The following ABR variants were observed in gnomAD, a reference collection of about 807,000 sequenced individuals.
ABR encodes ABR activator of RhoGEF and GTPase.
ABR carries 35 observed loss-of-function variants against 107.2 expected under a neutral mutation model. The observed-to-expected ratio is 0.33, with a 90% CI of 0.25 to 0.43. ABR has a LOEUF of 0.43. Ranked by LOEUF, ABR falls within the 20% of genes least tolerant of loss-of-function variation. The pLI is 1.00. For missense variants in ABR, 815 were observed against 1,115.2 expected (o/e 0.73, Z 3.83); for synonymous variants, 498 against 462.0 (o/e 1.08, Z -1.00).
chr17:1,226,661 T>C (rs55819425), intron 1 of ABR, among the ~76,000 whole-genome samples: 16,759 of 151,722 alleles, frequency 0.11, 1,180 homozygotes, highest in Middle Eastern at 0.19. Flanking sequence ...TGTGCATGTA[T>C]GTATGTGACA....
chr17:1,079,962 G>T (rs2586242), intron 5 of ABR, among the ~76,000 whole-genome samples: 1 of 152,100 alleles, frequency 6.6e-6, no homozygotes, highest in Non-Finnish European at 1.5e-5. Context: ...CCAGGTCCCA[G>T]AGATGAGAGA....
intron 16 of ABR, among the ~76,000 whole-genome samples, chr17:1,043,916 G>A (rs2031104812): frequency 6.6e-6 from 1 of 152,192 alleles, no homozygotes; most frequent in Admixed American, 6.5e-5. Flanking sequence ...GGGGCGGGCA[G>A]GGGGTGCAGA....
intron 10 of ABR, 150 bp from the exon 11 acceptor site, chr17:1,059,017 T>A: frequency 8.4e-7 from 1 of 1,192,578 alleles, no homozygotes; most frequent in Non-Finnish European, 1.2e-6. Flanking sequence ...GAGAGGCGGG[T>A]AGCTGGGTGA....
intron 1 of ABR, among the ~76,000 whole-genome samples, chr17:1,201,111 A>G (rs1402720679): frequency 6.6e-6 from 1 of 152,248 alleles, no homozygotes; most frequent in Non-Finnish European, 1.5e-5. Flanking sequence ...TGATCAGAGG[A>G]GCAGCCGGGG....
chr17:1,222,585 G>C (rs1567903472), intron 1 of ABR, among the ~76,000 whole-genome samples: 1 of 152,166 alleles, frequency 6.6e-6, no homozygotes, highest in Non-Finnish European at 1.5e-5. Context: ...TGACTACTTA[G>C]TAGGAAATTC....
Position 1,150,576 on chromosome 17 carries a change from C to T in ABR, c.62-25209G>A, listed in dbSNP as rs1280744629. On this transcript the variant is annotated intron_variant, in intron 1 of 22. Coordinates refer to ENST00000302538, the MANE Select transcript of ABR (RefSeq NM_021962.5). The surrounding 1 kb of genome is among the most constrained non-coding windows in gnomAD (Gnocchi z 4.8). Reference sequence around the variant, plus strand: ...CCCGGGCATGGCAAGCGCACTGCCCCCTCTCACTCCTCCGGCGGCCGCCGT... The same window carrying T: ...CCCGGGCATGGCAAGCGCACTGCCCTCTCTCACTCCTCCGGCGGCCGCCGT... Among the ~76,000 whole-genome samples the T allele has an allele frequency of 1.3e-5, 2 of 152,150 alleles. No homozygotes were observed. Among genetic ancestry groups the T allele is most frequent in the East Asian group, 3.9e-4 (2 of 5,186 alleles).
intron 1 of ABR, among the ~76,000 whole-genome samples, chr17:1,143,075 T>C: frequency 1.5e-5 from 1 of 66,610 alleles, no homozygotes; most frequent in Non-Finnish European, 2.8e-5. Context: ...GGCAGCTCGC[T>C]CCTGGGGGAC....
chr17:1,130,547 C>T (rs2039781039), intron 1 of ABR, among the ~76,000 whole-genome samples: 1 of 152,202 alleles, frequency 6.6e-6, no homozygotes, highest in African/African-American at 2.4e-5. Context: ...GGGTCCTATT[C>T]TCCTGCCCTG....
chr17:1,019,967 C>T (rs35984341), intron 16 of ABR, among the ~76,000 whole-genome samples: 36,207 of 152,200 alleles, frequency 0.24, 4,853 homozygotes, highest in East Asian at 0.36. Context: ...CAAGGTGGGC[C>T]ACAGGCAGGA....
intron 6 of ABR, among the ~76,000 whole-genome samples, 184 bp from the exon 7 acceptor site, chr17:1,073,861 C>T (rs1231833260): frequency 6.6e-6 from 1 of 151,958 alleles, no homozygotes; most frequent in African/African-American, 2.4e-5. Context: ...AAACAGCAGA[C>T]ACAGGTGACA....
Position 1,078,325 on chromosome 17 carries a change from C to A in ABR, c.700+1005G>T, listed in dbSNP as rs2035905793. On this transcript the variant is annotated intron_variant, in intron 6 of 22. Transcript: ENST00000302538. This position sits in a 1 kb window ranked among gnomAD's most constrained non-coding sequence, Gnocchi z 7.5. ...GAGCACACAATACCGTGCCGCCCAGCCTCCGCGCCTCTCTCCAGAAACAAA... is the reference window on the plus strand; with the variant it reads ...GAGCACACAATACCGTGCCGCCCAGACTCCGCGCCTCTCTCCAGAAACAAA... Among the ~76,000 whole-genome samples the A allele has an allele frequency of 6.6e-6, 1 of 152,164 alleles. No homozygotes were observed. Among genetic ancestry groups the A allele is most frequent in the Non-Finnish European group, 1.5e-5 (1 of 68,028 alleles).
chr17:1,044,041 G>T (rs746739766), intron 16 of ABR, among the ~76,000 whole-genome samples: 6 of 152,222 alleles, frequency 3.9e-5, no homozygotes, highest in Admixed American at 3.3e-4. Context: ...GGCCCAGCCC[G>T]CCAAGAAGGG....
rs150596616 is a variant in ABR at position 1,011,320 on chromosome 17, G to GC, written c.2102-458dup. 1,805 of 182,024 alleles carry GC rather than the reference G, an allele frequency of 9.9e-3. 33 individuals carry two copies. The highest frequency in any genetic ancestry group is 0.04 in the African/African-American group (1,694 of 42,286). 11.3% of individuals were successfully genotyped at this position (182,024 alleles called of 1,614,324 possible). On this transcript the variant is annotated intron_variant, in intron 19 of 22. Coordinates refer to ENST00000302538, the MANE Select transcript of ABR (RefSeq NM_021962.5). This position sits in a 1 kb window ranked among gnomAD's most constrained non-coding sequence, Gnocchi z 4.8. ...GGCCCCACCCCGTCCTCCACTCCAG[G>GC]CTCCCCACGGATTCATCCCTGCCTG...
rs545488057 is a variant in ABR, at chr17:1,056,577, C to T, written c.1486+421G>A. On this transcript the variant is annotated intron_variant, in intron 13 of 22. Coordinates refer to ENST00000302538, the MANE Select transcript of ABR (RefSeq NM_021962.5). ...TCAGTTCCCAGCCCTGATCACAGCT[C>T]CCCACTGCTCAAAACCCCCCCAGAC... 1.1e-4 allele frequency among the ~76,000 whole-genome samples: 17 copies of T among 152,220 alleles called. No individual in the cohort carries two copies. In the East Asian group the frequency reaches 1.2e-3, roughly 10 times the overall value.
intron 1 of ABR, among the ~76,000 whole-genome samples, chr17:1,224,414 C>T (rs2043177721): frequency 6.6e-6 from 1 of 152,192 alleles, no homozygotes; most frequent in Non-Finnish European, 1.5e-5. Flanking sequence ...GCCCTTTTCA[C>T]CTCTGCTTCT....
At chr17:1,007,334 G>A (rs2150696399) in intron 21 of ABR, 22 bp from the exon 22 acceptor site, 1 of 1,613,606 alleles carries the variant, frequency 6.2e-7, no homozygotes, top group Non-Finnish European at 8.5e-7. Flanking sequence ...AAGATGGGGA[G>A]GAAAGAAGCC....
At position 1,179,783 on chromosome 17, in the gene ABR, AG is replaced by A; in HGVS notation, c.-57del. 1 of 327,550 alleles carries A rather than the reference AG, an allele frequency of 3.1e-6. No individual in the cohort carries two copies. The highest frequency in any genetic ancestry group is 6.0e-6 in the Non-Finnish European group (1 of 165,586). 20.3% of individuals were successfully genotyped at this position (327,550 alleles called of 1,614,324 possible). On this transcript the variant is annotated 5_prime_UTR_variant, in exon 1 of 23. Coordinates refer to ENST00000302538, the MANE Select transcript of ABR (RefSeq NM_021962.5). The surrounding 1 kb of genome is among the most constrained non-coding windows in gnomAD (Gnocchi z 4.9). ...CCCGACCCTCATCGCGCAACAAAGG[AG>A]GGAGAGCGGGCGGGAGCCGGGGGAG...
At chr17:1,010,000 G>C in intron 20 of ABR, 1 of 599,762 alleles carries the variant, frequency 1.7e-6, no homozygotes, top group Non-Finnish European at 3.0e-6. Flanking sequence ...CCAGGAGGCC[G>C]GCTGGTGGGA....
At chr17:1,205,615 G>A (rs997174038) in intron 1 of ABR, among the ~76,000 whole-genome samples, 4 of 152,162 alleles carry the variant, frequency 2.6e-5, no homozygotes, top group Non-Finnish European at 5.9e-5. Flanking sequence ...TTTGAGACCA[G>A]CCTGGACAAC....
Sources: allele counts gnomAD v4.1 joint callset (sites outside exome capture counted in the v4.1 genomes callset), GRCh38; gene constraint gnomAD v4.1.1; non-coding constraint Gnocchi (gnomAD v3.1); transcripts MANE v1.5; gene names NCBI Gene and HGNC (gene_info 2026-07-23, HGNC 2026-07-21).